VWA8: variants seen among roughly 807,000 people sequenced by gnomAD.
VWA8 encodes von Willebrand factor A domain containing 8.
In VWA8, 221 loss-of-function variants were observed where a neutral mutation model predicts 241.5. The observed-to-expected ratio is 0.91, with a 90% confidence interval of 0.82 to 1.02. VWA8 has a LOEUF of 1.02. Ranked by LOEUF, VWA8 falls within the 50% of genes least tolerant of loss-of-function variation. VWA8 has a pLI of 0.00. For missense variants in VWA8, 2,322 were observed against 2,328.7 expected, an observed-to-expected ratio of 1.00 and a Z score of 0.06; for synonymous variants, 852 against 827.1, an observed-to-expected ratio of 1.03 and a Z score of -0.52.
intron 12 of VWA8, among the ~76,000 whole-genome samples, chr13:41,852,658 T>C (rs1420522132): frequency 6.6e-6 from 1 of 152,168 alleles, no homozygotes; most frequent in African/African-American, 2.4e-5. Flanking sequence ...AAAGGTCTAA[T>C]ATCATTGTTC....
intron 40 of VWA8, among the ~76,000 whole-genome samples, chr13:41,599,482 G>C (rs925141369): frequency 5.3e-5 from 8 of 152,086 alleles, no homozygotes. Context: ...TTAAATGCTT[G>C]TTATTCCACC....
At chr13:41,868,528 C>T (rs757978614) in intron 9 of VWA8, 51 bp from the exon 10 acceptor site, 19 of 1,564,034 alleles carry the variant, frequency 1.2e-5, no homozygotes, top group Non-Finnish European at 1.7e-5. Context: ...TTAGCATTAA[C>T]ATTGGCTATC....
At chr13:41,837,147 T>C (rs1481450866) in intron 12 of VWA8, among the ~76,000 whole-genome samples, 3 of 152,188 alleles carry the variant, frequency 2.0e-5, no homozygotes, top group African/African-American at 7.2e-5. Flanking sequence ...CTTGAACTCC[T>C]GGCCTCCAGC....
At chr13:41,828,134 G>A (rs982250045) in intron 14 of VWA8, among the ~76,000 whole-genome samples, 2 of 152,056 alleles carry the variant, frequency 1.3e-5, no homozygotes, top group Non-Finnish European at 2.9e-5. Context: ...TGTATACCTC[G>A]GAAGTAAAAG....
chr13:41,796,485 T>C (rs1869707266), intron 17 of VWA8, among the ~76,000 whole-genome samples: 2 of 151,854 alleles, frequency 1.3e-5, no homozygotes, highest in Non-Finnish European at 2.9e-5. Flanking sequence ...ATATTGACTT[T>C]ATTTTCAGTT....
At chr13:41,915,700 C>T (rs952017871) in intron 2 of VWA8, among the ~76,000 whole-genome samples, 1 of 152,268 alleles carries the variant, frequency 6.6e-6, no homozygotes, top group African/African-American at 2.4e-5. Context: ...TAAGTTCTAC[C>T]TTTAGAGTAA....
intron 37 of VWA8, among the ~76,000 whole-genome samples, chr13:41,624,835 G>A (rs571605883): frequency 6.6e-6 from 1 of 152,228 alleles, no homozygotes; most frequent in East Asian, 1.9e-4. Flanking sequence ...AATCAGACAA[G>A]ATGAAGAAGT....
At chr13:41,869,305 C>T (rs903686841) in intron 9 of VWA8, among the ~76,000 whole-genome samples, 2 of 152,062 alleles carry the variant, frequency 1.3e-5, no homozygotes, top group Non-Finnish European at 2.9e-5. Context: ...GCTTTCTACA[C>T]TATAGGGGTC....
intron 18 of VWA8, 137 bp from the exon 19 acceptor site, chr13:41,784,038 G>T: frequency 1.6e-6 from 1 of 630,666 alleles, no homozygotes; most frequent in Non-Finnish European, 2.7e-6. Flanking sequence ...AAGCTGGAGA[G>T]TAGTAATAAA....
chr13:41,864,523 T>A (rs1566485893), intron 12 of VWA8: 4 of 388,848 alleles, frequency 1.0e-5, no homozygotes, highest in Non-Finnish European at 2.0e-5. Context: ...TTCTGATATA[T>A]GCAACAACAT....
intron 1 of VWA8, among the ~76,000 whole-genome samples, chr13:41,960,575 C>A (rs982604569): frequency 8.5e-5 from 13 of 152,170 alleles, no homozygotes; most frequent in African/African-American, 1.2e-4. Context: ...GTAAAGGCAG[C>A]GGCAGGGGAA....
intron 37 of VWA8, among the ~76,000 whole-genome samples, chr13:41,650,363 T>C (rs2044861430): frequency 6.6e-6 from 1 of 152,188 alleles, no homozygotes; most frequent in African/African-American, 2.4e-5. Flanking sequence ...GAATCAAACT[T>C]GGTTTTGGCT....
chr13:41,884,372 T>C (rs539486535), intron 8 of VWA8, among the ~76,000 whole-genome samples: 2 of 129,420 alleles, frequency 1.5e-5, no homozygotes, highest in South Asian at 4.8e-4. Flanking sequence ...CCTGCCACCA[T>C]GTGAAGGACG....
At chr13:41,866,096 C>T in intron 10 of VWA8, 60 bp from the exon 11 acceptor site, 1 of 1,586,492 alleles carries the variant, frequency 6.3e-7, no homozygotes, top group East Asian at 2.3e-5. Flanking sequence ...GCCTATAATC[C>T]CAACACTTTG....
chr13:41,693,846 T>C (rs2045195467), intron 29 of VWA8, among the ~76,000 whole-genome samples: 1 of 152,034 alleles, frequency 6.6e-6, no homozygotes, highest in East Asian at 1.9e-4. Context: ...ACTAACAGGT[T>C]TGCAGAAAGG....
In VWA8 at chr13:41,748,687, C is replaced by G. The variant is rs1043343067; in HGVS notation, c.2426+12441G>C. Among the ~76,000 whole-genome samples the G allele has an allele frequency of 5.9e-5, 9 of 152,038 alleles. No homozygotes were observed. In the East Asian group the frequency reaches 1.3e-3, roughly 23 times the overall value. The stretch of plus-strand genomic sequence containing the variant: ...TATAGACCAATGGAACAGAACAGAG[C>G]CCTCAGAAATAATGCCACACATCTA... On this transcript the variant is annotated intron_variant, in intron 21 of 44. Transcript: ENST00000379310.
chr13:41,785,056 T>C (rs964625990), intron 18 of VWA8, among the ~76,000 whole-genome samples: 1 of 151,900 alleles, frequency 6.6e-6, no homozygotes, highest in South Asian at 2.1e-4. Flanking sequence ...TAACCAGATA[T>C]GCATGACATG....
At chr13:41,933,099 A>G (rs1877198697) in intron 2 of VWA8, among the ~76,000 whole-genome samples, 1 of 151,998 alleles carries the variant, frequency 6.6e-6, no homozygotes, top group Non-Finnish European at 1.5e-5. Flanking sequence ...GATGCAATCT[A>G]CAAAAACAAG....
At chr13:41,627,966 T>C (rs1045391631) in intron 37 of VWA8, among the ~76,000 whole-genome samples, 2 of 152,140 alleles carry the variant, frequency 1.3e-5, no homozygotes, top group African/African-American at 4.8e-5. Flanking sequence ...GATTCACACT[T>C]TAGCTATAAC....
Sources: allele counts gnomAD v4.1 joint callset (sites outside exome capture counted in the v4.1 genomes callset), GRCh38; gene constraint gnomAD v4.1.1; transcripts MANE v1.5; gene names NCBI Gene and HGNC (gene_info 2026-07-23, HGNC 2026-07-21).